Variants in WDR27 observed in about 807,000 individuals in gnomAD.
The protein encoded by WDR27 is WD repeat domain 27.
In WDR27, 100 loss-of-function variants were observed where a neutral mutation model predicts 114.4. That is an observed-to-expected ratio of 0.87 (90% CI 0.74 to 1.03). The LOEUF (loss-of-function observed/expected upper bound fraction) is 1.03. Among genes scored for constraint, WDR27 ranks in the 50% least tolerant of loss-of-function variants. The probability of loss-of-function intolerance (pLI) is 0.00; values close to 1 mark genes in which losing one functional copy is unlikely to be tolerated. For missense variants in WDR27, 1,129 were observed against 1,092.9 expected, an observed-to-expected ratio of 1.03 and a Z score of -0.47; for synonymous variants, 449 against 423.1, an observed-to-expected ratio of 1.06 and a Z score of -0.75.
chr6:169,518,312 G>T (rs1306017153), intron 25 of WDR27, among the ~76,000 whole-genome samples: 1 of 152,258 alleles, frequency 6.6e-6, no homozygotes, highest in Non-Finnish European at 1.5e-5. Flanking sequence ...CCTAGTAGAG[G>T]TTCTACATGG....
intron 25 of WDR27, among the ~76,000 whole-genome samples, chr6:169,512,228 T>C (rs1792996897): frequency 6.6e-6 from 1 of 152,186 alleles, no homozygotes; most frequent in Non-Finnish European, 1.5e-5. Context: ...AGAAATTTTA[T>C]ACCTAGATGT....
intron 25 of WDR27, among the ~76,000 whole-genome samples, chr6:169,553,180 G>A (rs895018971): frequency 6.6e-6 from 1 of 151,902 alleles, no homozygotes; most frequent in South Asian, 2.1e-4. Flanking sequence ...CAGGGACTGC[G>A]GGTGCTCAGG....
At chr6:169,548,983 A>C (rs867235250) in intron 25 of WDR27, among the ~76,000 whole-genome samples, 6 of 152,300 alleles carry the variant, frequency 3.9e-5, no homozygotes, top group South Asian at 4.2e-4. Context: ...AACCTAGATG[A>C]CCTTGGGTAT....
rs1196018763 is a variant in WDR27 at position 169,633,005 on chromosome 6, C to T, written c.2165G>A (p.Ser722Asn). 3 of 1,599,562 alleles carry T rather than the reference C, an allele frequency of 1.9e-6. No individual in the cohort carries two copies. Among genetic ancestry groups the T allele is most frequent in the East Asian group, 2.3e-5 (1 of 44,368 alleles). Residue 722 changes from serine to asparagine, a missense_variant, in exon 21 of 26, where the codon AGT becomes AAT. Physicochemically the swap from Ser to Asn is conservative, Grantham distance 46. Coordinates refer to ENST00000448612, the MANE Select transcript of WDR27 (RefSeq NM_182552.5). ...VEVFDLNAGC[S>N]AAVIAEAHSR... ...GTGGGCTTCCGCTATCACCGCTGCA[C>T]TGCAGCCGGCGTTGAGGTCAAACAC...
intron 25 of WDR27, among the ~76,000 whole-genome samples, chr6:169,561,424 A>G (rs759521600): frequency 2.0e-5 from 3 of 152,202 alleles, no homozygotes; most frequent in Non-Finnish European, 4.4e-5. Flanking sequence ...AATGCATGAC[A>G]ATAATAGCAC....
Position 169,629,028 on chromosome 6 carries a change from G to A in WDR27, c.2223+3919C>T, listed in dbSNP as rs552534540. Among the ~76,000 whole-genome samples the A allele has an allele frequency of 1.3e-4, 20 of 152,316 alleles. No homozygotes were observed. The South Asian group carries it at 4.1e-3, about 32-fold the overall frequency. ...ACATTTAACCCTTTAACAGAGAAAA[G>A]CTTTATATATGCAAAAGGTTAGAAA... On this transcript the variant is annotated intron_variant, in intron 21 of 25. Transcript: ENST00000448612.
At chr6:169,563,784 CCACA>C (rs1392311625) in intron 25 of WDR27, among the ~76,000 whole-genome samples, 2 of 152,122 alleles carry the variant, frequency 1.3e-5, no homozygotes, top group Non-Finnish European at 2.9e-5. Context: ...ATTTCTGAGC[CCACA>C]CCTGAAGGGG....
At chr6:169,653,375 C>G (rs9383512) in intron 13 of WDR27, among the ~76,000 whole-genome samples, 12,805 of 152,144 alleles carry the variant, frequency 0.084, 1,749 homozygotes, top group East Asian at 0.61. Flanking sequence ...GGTATGGAAT[C>G]CCACTGAACC....
intron 25 of WDR27, among the ~76,000 whole-genome samples, chr6:169,499,258 G>A (rs941282638): frequency 6.6e-6 from 1 of 152,214 alleles, no homozygotes. Flanking sequence ...AGCACCGAGG[G>A]TGCACAGCAG....
At chr6:169,489,081 T>A (rs184319911) in intron 25 of WDR27, among the ~76,000 whole-genome samples, 2 of 152,078 alleles carry the variant, frequency 1.3e-5, no homozygotes, top group East Asian at 3.9e-4. Context: ...TCTAGTTTGG[T>A]GCTTTTACTT....
chr6:169,610,261 T>C (rs1175792389), intron 22 of WDR27, among the ~76,000 whole-genome samples: 1 of 152,198 alleles, frequency 6.6e-6, no homozygotes, highest in African/African-American at 2.4e-5. Flanking sequence ...CACCCCACTC[T>C]ACTGGTACCG....
At chr6:169,682,372 T>G (rs1781766831) in intron 2 of WDR27, among the ~76,000 whole-genome samples, 1 of 152,218 alleles carries the variant, frequency 6.6e-6, no homozygotes, top group African/African-American at 2.4e-5. Context: ...GACAGCATTC[T>G]GGACTCAGGT....
the WDR27 span, among the ~76,000 whole-genome samples, chr6:169,444,898 T>G: frequency 6.6e-6 from 1 of 152,164 alleles, no homozygotes; most frequent in Non-Finnish European, 1.5e-5. Context: ...CCTCTGTGCA[T>G]GCAGGAATCA....
chr6:169,472,770 G>A (rs1745391743), intron 25 of WDR27, among the ~76,000 whole-genome samples: 1 of 152,080 alleles, frequency 6.6e-6, no homozygotes, highest in South Asian at 2.1e-4. Context: ...ATTATTTCAA[G>A]GCTAAAAAAC....
At chr6:169,511,756 A>C (rs1277488576) in intron 25 of WDR27, among the ~76,000 whole-genome samples, 2 of 152,200 alleles carry the variant, frequency 1.3e-5, no homozygotes, top group Non-Finnish European at 2.9e-5. Flanking sequence ...ATTATACTTA[A>C]TATCTTCAGC....
intron 25 of WDR27, among the ~76,000 whole-genome samples, chr6:169,562,200 C>T (rs961467363): frequency 1.1e-4 from 17 of 152,160 alleles, no homozygotes; most frequent in Admixed American, 2.6e-4. Context: ...CAACACGACA[C>T]GTTTCTCGGG....
intron 25 of WDR27, among the ~76,000 whole-genome samples, chr6:169,510,151 G>A (rs889639881): frequency 3.3e-5 from 5 of 152,146 alleles, no homozygotes; most frequent in African/African-American, 1.2e-4. Context: ...GAGAGGATGT[G>A]GAGAAATAGG....
At chr6:169,539,263 G>T (rs944588617) in intron 25 of WDR27, among the ~76,000 whole-genome samples, 1 of 152,068 alleles carries the variant, frequency 6.6e-6, no homozygotes, top group Non-Finnish European at 1.5e-5. Context: ...ATCCTTCATT[G>T]AGGGATCTCC....
rs1033503347 is a variant in WDR27 at position 169,607,415 on chromosome 6, CACACACACATATAAT to C, written c.2322-5109_2322-5095del. Among the ~76,000 whole-genome samples the C allele has an allele frequency of 8.1e-4, 30 of 36,852 alleles. No homozygotes were observed. In the South Asian group the frequency reaches 0.014, roughly 17 times the overall value. The allele number at this position is 36,852 out of a possible 152,430, so 24.2% of individuals were successfully genotyped here. A position where few individuals can be genotyped will look rare whatever the true frequency, so the allele number is the denominator to read the frequency against. ...GTATACACACACACACACACACACA[CACACACACATATAAT>C]ATAATATTATTCAGCCATGAAAAAA... On this transcript the variant is annotated intron_variant, in intron 22 of 25. Coordinates refer to ENST00000448612, the MANE Select transcript of WDR27 (RefSeq NM_182552.5).
Sources: gnomAD v4.1 joint callset for allele counts (sites outside exome capture counted in the v4.1 genomes callset) on GRCh38, gnomAD v4.1.1 for gene constraint, MANE v1.5 for transcripts, NCBI Gene and HGNC (gene_info 2026-07-23, HGNC 2026-07-21) for gene names.